The following FGGY variants were observed in gnomAD, a reference collection of about 807,000 sequenced individuals.
FGGY encodes FGGY carbohydrate kinase domain containing, also known as FGGY carbohydrate kinase domain-containing protein.
A neutral mutation model predicts 71.3 loss-of-function variants in FGGY; 72 were observed. The ratio of observed to expected loss-of-function variants is 1.01; its 90% CI spans 0.84 to 1.23. The LOEUF is 1.23. Ranked by LOEUF, FGGY falls within the 50% of genes most tolerant of loss-of-function variation. The pLI is 0.00. For missense variants in FGGY, 668 were observed against 682.3 expected (o/e 0.98, Z 0.23); for synonymous variants, 251 against 250.3 (o/e 1.00, Z -0.02).
At chr1:59,586,232 T>C (rs565273003) in intron 8 of FGGY, among the ~76,000 whole-genome samples, 2 of 152,212 alleles carry the variant, frequency 1.3e-5, no homozygotes, top group Non-Finnish European at 2.9e-5. Flanking sequence ...GTGGCACTAT[T>C]CACAATAGCA....
chr1:59,568,544 G>C (rs1289647173), intron 8 of FGGY, among the ~76,000 whole-genome samples: 3 of 152,108 alleles, frequency 2.0e-5, no homozygotes, highest in African/African-American at 7.2e-5. Context: ...CACAGAGCTA[G>C]GAAGAGGTAG....
At chr1:59,513,073 C>A (rs1429448445) in intron 7 of FGGY, among the ~76,000 whole-genome samples, 1 of 152,230 alleles carries the variant, frequency 6.6e-6, no homozygotes. Context: ...ATGATGACTT[C>A]CTCATCCTTA....
intron 14 of FGGY, among the ~76,000 whole-genome samples, chr1:59,674,988 C>G (rs1210016456): frequency 6.6e-6 from 1 of 152,190 alleles, no homozygotes; most frequent in Non-Finnish European, 1.5e-5. Context: ...TAGTAATTGA[C>G]AGCGCATCGT....
chr1:59,314,091 G>A (rs1479084602), intron 1 of FGGY, among the ~76,000 whole-genome samples: 1 of 151,732 alleles, frequency 6.6e-6, no homozygotes, highest in Non-Finnish European at 1.5e-5. Flanking sequence ...TCAGCCTCCC[G>A]AGTAGCTGGG....
At chr1:59,596,343 GGACA>G in intron 8 of FGGY, among the ~76,000 whole-genome samples, 1 of 151,346 alleles carries the variant, frequency 6.6e-6, no homozygotes, top group African/African-American at 2.4e-5. Flanking sequence ...ATTTACCAAG[GGACA>G]TATTCCATTT....
intron 3 of FGGY, among the ~76,000 whole-genome samples, chr1:59,343,788 G>C (rs540162706): frequency 7.9e-5 from 12 of 152,250 alleles, no homozygotes; most frequent in African/African-American, 2.9e-4. Flanking sequence ...AATTTTCATT[G>C]TATTGTTCTG....
At chr1:59,743,298 A>C (rs1259526118) in intron 14 of FGGY, among the ~76,000 whole-genome samples, 1 of 152,166 alleles carries the variant, frequency 6.6e-6, no homozygotes, top group East Asian at 1.9e-4. Context: ...TTTCCATAGT[A>C]GTTTTGTCTT....
chr1:59,422,431 C>T (rs1375873195), intron 5 of FGGY, among the ~76,000 whole-genome samples: 2 of 152,150 alleles, frequency 1.3e-5, no homozygotes, highest in African/African-American at 2.4e-5. Flanking sequence ...TGGTGATTCA[C>T]GCCAGTAGTC....
chr1:59,328,482 C>G (rs2047836671), intron 2 of FGGY, among the ~76,000 whole-genome samples: 1 of 152,220 alleles, frequency 6.6e-6, no homozygotes, highest in African/African-American at 2.4e-5. Context: ...AATGTTGTGG[C>G]TGGTTTGATC....
At chr1:59,607,283 T>C (rs1403704391) in intron 8 of FGGY, among the ~76,000 whole-genome samples, 1 of 152,192 alleles carries the variant, frequency 6.6e-6, no homozygotes, top group African/African-American at 2.4e-5. Flanking sequence ...AGCAGCCTTG[T>C]AGGGCATGGT....
At position 59,684,369 on chromosome 1, in the gene FGGY, A is replaced by G. The variant is rs1043789393; in HGVS notation, c.1512+10236A>G. Among the ~76,000 whole-genome samples the G allele has an allele frequency of 2.0e-5, 3 of 152,252 alleles. No individual in the cohort carries two copies. In the East Asian group the frequency reaches 5.8e-4, roughly 29 times the overall value. Reference sequence around the variant, plus strand: ...CTGCAATGGAATGATGGAGCATTTGAGGAGTGACTTCCACTGTCTTAAGAG... The same window carrying G: ...CTGCAATGGAATGATGGAGCATTTGGGGAGTGACTTCCACTGTCTTAAGAG... On this transcript the variant is annotated intron_variant, in intron 14 of 15. Transcript: ENST00000303721.
intron 8 of FGGY, among the ~76,000 whole-genome samples, chr1:59,567,467 A>G (rs941397985): frequency 6.6e-5 from 10 of 152,090 alleles, no homozygotes; most frequent in Admixed American, 1.3e-4. Flanking sequence ...GAAATATTTA[A>G]CTGGAAGATG....
At chr1:59,463,729 A>G (rs2092421825) in intron 6 of FGGY, among the ~76,000 whole-genome samples, 1 of 152,046 alleles carries the variant, frequency 6.6e-6, no homozygotes, top group Non-Finnish European at 1.5e-5. Flanking sequence ...TCTCTGATAA[A>G]ACAGACTTTA....
intron 11 of FGGY, among the ~76,000 whole-genome samples, chr1:59,650,232 C>T (rs1572641052): frequency 6.8e-6 from 1 of 146,082 alleles, no homozygotes; most frequent in Non-Finnish European, 1.5e-5. Context: ...TGTGTCTCTG[C>T]CAGGGTTTGG....
intron 5 of FGGY, among the ~76,000 whole-genome samples, chr1:59,413,952 T>C (rs755471191): frequency 1.3e-5 from 2 of 152,038 alleles, no homozygotes; most frequent in Non-Finnish European, 2.9e-5. Flanking sequence ...TAGAGTGAGA[T>C]TTCATCTCAA....
At chr1:59,491,041 T>TC (rs1553243911) in intron 6 of FGGY, among the ~76,000 whole-genome samples, 20 of 626 alleles carry the variant, frequency 0.032, 3 homozygotes, top group African/African-American at 0.068. Flanking sequence ...TTCCTTTCCT[T>TC]CCTTCCTTCC....
chr1:59,762,472 A>T, intron 15 of FGGY, 31 bp from the exon 16 acceptor site: 1 of 1,565,688 alleles, frequency 6.4e-7, no homozygotes, highest in Non-Finnish European at 8.8e-7. Flanking sequence ...TTGTCTTGAG[A>T]TCATTCAACA....
chr1:59,427,788 G>A (rs1011215944), intron 5 of FGGY, among the ~76,000 whole-genome samples: 3 of 152,140 alleles, frequency 2.0e-5, no homozygotes, highest in Non-Finnish European at 2.9e-5. Context: ...GAGGCAGAGT[G>A]GGAGATGGAA....
At chr1:59,472,665 A>G (rs1361056738) in intron 6 of FGGY, among the ~76,000 whole-genome samples, 4 of 152,188 alleles carry the variant, frequency 2.6e-5, no homozygotes, top group African/African-American at 4.8e-5. Flanking sequence ...CCCTGTGTCT[A>G]GCTCAGGGTT....
Sources: gnomAD v4.1 joint callset for allele counts (sites outside exome capture counted in the v4.1 genomes callset) on GRCh38, gnomAD v4.1.1 for gene constraint, MANE v1.5 for transcripts, NCBI Gene and HGNC (gene_info 2026-07-23, HGNC 2026-07-21) for gene names.